The following VAV3 variants were observed in gnomAD, a reference collection of about 807,000 sequenced individuals.
The protein encoded by VAV3 is guanine nucleotide exchange factor VAV3.
VAV3 carries 94 observed loss-of-function variants against 131.2 expected under a neutral mutation model. The ratio of observed to expected loss-of-function variants is 0.72; its 90% CI spans 0.61 to 0.85. The LOEUF (loss-of-function observed/expected upper bound fraction) is 0.85, where lower values mean the gene tolerates loss of function less well. VAV3 is among the 40% of genes least tolerant of loss of function. VAV3 has a pLI of 0.00. For missense variants in VAV3, 939 were observed against 1,002.7 expected, an observed-to-expected ratio of 0.94 and a Z score of 0.86; for synonymous variants, 349 against 342.0, an observed-to-expected ratio of 1.02 and a Z score of -0.22.
intron 1 of VAV3, among the ~76,000 whole-genome samples, chr1:107,893,391 T>C (rs1271528931): frequency 1.3e-5 from 2 of 152,164 alleles, no homozygotes; most frequent in Non-Finnish European, 2.9e-5. Context: ...GTAATCTACT[T>C]TTACAAGCCT....
intron 2 of VAV3, among the ~76,000 whole-genome samples, chr1:107,871,990 G>A (rs537603541): frequency 1.1e-4 from 17 of 152,244 alleles, no homozygotes; most frequent in South Asian, 2.1e-4. Context: ...ATAAGTAGAT[G>A]CCAAGTAACA....
At chr1:107,940,180 G>C (rs562609724) in intron 1 of VAV3, among the ~76,000 whole-genome samples, 2 of 152,314 alleles carry the variant, frequency 1.3e-5, no homozygotes, top group South Asian at 4.1e-4. Flanking sequence ...TTTTGAAACA[G>C]CTTCAAGCTG....
chr1:107,582,737 T>C (rs1650161441), intron 25 of VAV3, among the ~76,000 whole-genome samples: 1 of 152,106 alleles, frequency 6.6e-6, no homozygotes, highest in Admixed American at 6.5e-5. Flanking sequence ...ACAAAGGACA[T>C]GAACTCATCA....
At chr1:107,898,533 C>A (rs115048918) in intron 1 of VAV3, among the ~76,000 whole-genome samples, 1 of 152,100 alleles carries the variant, frequency 6.6e-6, no homozygotes, top group African/African-American at 2.4e-5. Flanking sequence ...TTAATACATC[C>A]ATTTACATTA....
At chr1:107,695,159 G>C (rs572642360) in intron 17 of VAV3, among the ~76,000 whole-genome samples, 1 of 152,180 alleles carries the variant, frequency 6.6e-6, no homozygotes, top group South Asian at 2.1e-4. Flanking sequence ...TAGGTTGGGG[G>C]ATAGGAGGAA....
chr1:107,658,227 C>A (rs991116230), intron 19 of VAV3, among the ~76,000 whole-genome samples: 9 of 152,286 alleles, frequency 5.9e-5, no homozygotes, highest in South Asian at 2.1e-4. Flanking sequence ...CGATAATTTG[C>A]TGAGAATGAT....
At chr1:107,582,783 C>G (rs533476416) in intron 25 of VAV3, among the ~76,000 whole-genome samples, 1 of 152,084 alleles carries the variant, frequency 6.6e-6, no homozygotes, top group African/African-American at 2.4e-5. Context: ...TGGTGAATAT[C>G]TGCCACATTT....
intron 18 of VAV3, among the ~76,000 whole-genome samples, chr1:107,686,487 T>C (rs1253055293): frequency 6.6e-6 from 1 of 152,202 alleles, no homozygotes; most frequent in Non-Finnish European, 1.5e-5. Context: ...CTGAGCAGCA[T>C]ACAATCATCT....
chr1:107,618,612 T>C (rs890646540), intron 20 of VAV3, among the ~76,000 whole-genome samples: 3 of 152,220 alleles, frequency 2.0e-5, no homozygotes, highest in Non-Finnish European at 4.4e-5. Context: ...GAGTGTTTTA[T>C]TTAATCCTTG....
chr1:107,592,799 T>G (rs1570575421), intron 25 of VAV3, among the ~76,000 whole-genome samples: 1 of 152,096 alleles, frequency 6.6e-6, no homozygotes, highest in African/African-American at 2.4e-5. Flanking sequence ...CTCAAAATAA[T>G]TATGTGTTCA....
At chr1:107,812,950 CAT>C (rs1339299489) in intron 2 of VAV3, among the ~76,000 whole-genome samples, 1 of 151,906 alleles carries the variant, frequency 6.6e-6, no homozygotes, top group Non-Finnish European at 1.5e-5. Flanking sequence ...GGTGAAACCC[CAT>C]CTCTACTAAA....
intron 19 of VAV3, chr1:107,673,660 A>G (rs766445228): frequency 9.8e-5 from 15 of 152,338 alleles, no homozygotes; most frequent in Middle Eastern, 3.4e-3. Context: ...ACTTAACACC[A>G]AGTCAGTATA....
At chr1:107,845,688 G>A (rs1283793915) in intron 2 of VAV3, among the ~76,000 whole-genome samples, 1 of 151,974 alleles carries the variant, frequency 6.6e-6, no homozygotes, top group Non-Finnish European at 1.5e-5. Context: ...TCAAACAGAA[G>A]AAAGGATATC....
At chr1:107,806,589 T>C (rs1408605147) in intron 2 of VAV3, among the ~76,000 whole-genome samples, 1 of 152,210 alleles carries the variant, frequency 6.6e-6, no homozygotes, top group East Asian at 1.9e-4. Context: ...TTTTTCTTGC[T>C]GTGAAAATAC....
intron 1 of VAV3, among the ~76,000 whole-genome samples, chr1:107,901,911 C>T (rs920942154): frequency 1.3e-5 from 2 of 151,948 alleles, no homozygotes; most frequent in African/African-American, 4.8e-5. Context: ...CGCATGGTGG[C>T]ATGCACCTGT....
intron 1 of VAV3, among the ~76,000 whole-genome samples, chr1:107,906,382 G>A (rs187236167): frequency 2.0e-5 from 3 of 152,188 alleles, no homozygotes; most frequent in East Asian, 3.9e-4. Flanking sequence ...ATAACAAATC[G>A]GGCTGGGCAC....
At chr1:107,759,402 T>C (rs996138746) in intron 10 of VAV3, among the ~76,000 whole-genome samples, 1 of 152,228 alleles carries the variant, frequency 6.6e-6, no homozygotes, top group African/African-American at 2.4e-5. Flanking sequence ...ATATTCTCAC[T>C]TTGTGAATCT....
intron 2 of VAV3, among the ~76,000 whole-genome samples, chr1:107,802,591 T>C (rs971482330): frequency 6.6e-6 from 1 of 152,166 alleles, no homozygotes; most frequent in African/African-American, 2.4e-5. Flanking sequence ...TCAGCATCTA[T>C]TGAAAAGATC....
intron 2 of VAV3, among the ~76,000 whole-genome samples, chr1:107,874,269 T>C (rs1383653615): frequency 2.6e-5 from 4 of 152,222 alleles, no homozygotes; most frequent in South Asian, 2.1e-4. Context: ...TCACTTATTA[T>C]ACATGTGTTT....
Sources: gnomAD v4.1 joint callset for allele counts (sites outside exome capture counted in the v4.1 genomes callset) on GRCh38, gnomAD v4.1.1 for gene constraint, MANE v1.5 for transcripts, NCBI Gene and HGNC (gene_info 2026-07-23, HGNC 2026-07-21) for gene names.